The following PHF24 variants were observed in gnomAD, a reference collection of about 807,000 sequenced individuals.
PHF24 encodes the protein PHD finger protein 24.
PHF24 carries 25 observed loss-of-function variants against 42.6 expected under a neutral mutation model. That is an observed-to-expected ratio of 0.59 (90% CI 0.43 to 0.82). The LOEUF is 0.82. PHF24 is among the 40% of genes least tolerant of loss of function. The pLI is 0.00. For missense variants in PHF24, 470 were observed against 538.1 expected (o/e 0.87, Z 1.25); for synonymous variants, 185 against 204.8 (o/e 0.90, Z 0.83).
At chr9:34,882,719 CA>C in the PHF24 span, among the ~76,000 whole-genome samples, 1 of 152,078 alleles carries the variant, frequency 6.6e-6, no homozygotes, top group South Asian at 2.1e-4. Context: ...AAAGAGGACA[CA>C]AACAAATGGA....
At chr9:34,843,538 T>C in the PHF24 span, among the ~76,000 whole-genome samples, 3 of 152,240 alleles carry the variant, frequency 2.0e-5, no homozygotes, top group Admixed American at 1.3e-4. Flanking sequence ...GTAATCTTTT[T>C]CAGAGCTATT....
At chr9:34,675,843 T>A in the PHF24 span, among the ~76,000 whole-genome samples, 4 of 151,614 alleles carry the variant, frequency 2.6e-5, no homozygotes, top group Non-Finnish European at 5.9e-5. Flanking sequence ...AGCCCTGGGG[T>A]GTCAGAGGGA....
the PHF24 span, among the ~76,000 whole-genome samples, chr9:34,704,886 G>A: frequency 6.6e-6 from 1 of 152,144 alleles, no homozygotes; most frequent in Admixed American, 6.5e-5. Context: ...GTAATTTTCT[G>A]GATGACACTG....
the PHF24 span, among the ~76,000 whole-genome samples, chr9:34,699,600 C>T: frequency 3.9e-5 from 6 of 152,224 alleles, no homozygotes; most frequent in African/African-American, 7.2e-5. Context: ...GCAAAGCTGG[C>T]GGAGAGGTTT....
chr9:34,960,249 T>G (rs1458765673), intron 1 of PHF24, among the ~76,000 whole-genome samples: 1 of 152,222 alleles, frequency 6.6e-6, no homozygotes, highest in East Asian at 1.9e-4. Context: ...TTCCCTGCTT[T>G]CTTCCACACA....
the PHF24 span, among the ~76,000 whole-genome samples, chr9:34,886,864 C>A: frequency 8.4e-5 from 6 of 71,804 alleles, no homozygotes; most frequent in East Asian, 1.7e-3. Flanking sequence ...CTATCTATCT[C>A]TGGCTGTCTA....
chr9:34,882,410 A>T, the PHF24 span, among the ~76,000 whole-genome samples: 1 of 152,176 alleles, frequency 6.6e-6, no homozygotes, highest in Non-Finnish European at 1.5e-5. Flanking sequence ...TTAGGAAAAG[A>T]GGAAGTCCAG....
chr9:34,877,008 A>G, the PHF24 span, among the ~76,000 whole-genome samples: 2 of 152,210 alleles, frequency 1.3e-5, no homozygotes, highest in East Asian at 3.8e-4. Flanking sequence ...GTGGCCAGGC[A>G]TGGTGGCTCA....
At chr9:34,793,045 A>AT in the PHF24 span, among the ~76,000 whole-genome samples, 1 of 152,192 alleles carries the variant, frequency 6.6e-6, no homozygotes, top group African/African-American at 2.4e-5. Context: ...ATCATAAAAT[A>AT]TTTTTATCAT....
chr9:34,740,572 G>T, the PHF24 span, among the ~76,000 whole-genome samples: 1 of 152,218 alleles, frequency 6.6e-6, no homozygotes, highest in Admixed American at 6.5e-5. Flanking sequence ...AACTCCAGCT[G>T]GCCCGCAAGC....
chr9:34,931,071 T>C, the PHF24 span, among the ~76,000 whole-genome samples: 1 of 152,100 alleles, frequency 6.6e-6, no homozygotes, highest in East Asian at 1.9e-4. Context: ...TAAAAGTGTG[T>C]GGCACCATAA....
the PHF24 span, among the ~76,000 whole-genome samples, chr9:34,783,698 T>A: frequency 2.6e-5 from 4 of 152,252 alleles, no homozygotes; most frequent in Non-Finnish European, 5.9e-5. Flanking sequence ...GGACTTGGAA[T>A]TTGATCAGTT....
At chr9:34,811,468 G>C in the PHF24 span, among the ~76,000 whole-genome samples, 1 of 152,210 alleles carries the variant, frequency 6.6e-6, no homozygotes, top group South Asian at 2.1e-4. Flanking sequence ...TTGTTCTCCT[G>C]CTTTCTCACG....
At chr9:34,885,377 C>T in the PHF24 span, among the ~76,000 whole-genome samples, 1 of 152,214 alleles carries the variant, frequency 6.6e-6, no homozygotes, top group Non-Finnish European at 1.5e-5. Context: ...CCTGCCACCT[C>T]CTCCTTCTGA....
exon 8 of PHF24, chr9:34,981,591 C>T (rs1332757214): frequency 6.6e-6 from 1 of 152,232 alleles, no homozygotes; most frequent in East Asian, 1.9e-4. Context: ...ATCCTGAAAG[C>T]ATGTTCCCTT....
the PHF24 span, among the ~76,000 whole-genome samples, chr9:34,936,402 G>A: frequency 2.6e-5 from 4 of 152,176 alleles, no homozygotes; most frequent in African/African-American, 4.8e-5. Context: ...ATGCAGTGGC[G>A]TGATCTCGGC....
chr9:34,695,292 A>G, the PHF24 span, among the ~76,000 whole-genome samples: 1 of 152,252 alleles, frequency 6.6e-6, no homozygotes, highest in Admixed American at 6.5e-5. Flanking sequence ...GCTTCTGGAT[A>G]GCTGAAAACA....
At chr9:34,860,240 G>T in the PHF24 span, among the ~76,000 whole-genome samples, 20 of 152,180 alleles carry the variant, frequency 1.3e-4, no homozygotes, top group Admixed American at 1.3e-3. Context: ...AATATCTTAA[G>T]AGTCATTGTA....
the PHF24 span, among the ~76,000 whole-genome samples, chr9:34,882,453 T>C: frequency 6.6e-6 from 1 of 152,164 alleles, no homozygotes; most frequent in East Asian, 1.9e-4. Flanking sequence ...TGATTGTATA[T>C]TTAGAAAACC....
Sources: allele counts gnomAD v4.1 joint callset (sites outside exome capture counted in the v4.1 genomes callset), GRCh38; gene constraint gnomAD v4.1.1; transcripts MANE v1.5; gene names NCBI Gene and HGNC (gene_info 2026-07-23, HGNC 2026-07-21).